The following TP63 variants were observed in gnomAD, a reference collection of about 807,000 sequenced individuals.
The protein encoded by TP63 is tumor protein 63.
TP63 carries 17 observed loss-of-function variants against 82.8 expected under a neutral mutation model. The observed-to-expected ratio is 0.21, with a 90% CI of 0.14 to 0.31. The LOEUF (loss-of-function observed/expected upper bound fraction) is 0.31, where lower values mean the gene tolerates loss of function less well. Among genes scored for constraint, TP63 ranks in the 10% least tolerant of loss-of-function variants. The pLI, the probability that TP63 is intolerant of heterozygous loss-of-function variation, is 1.00. For synonymous variants in TP63, 330 were observed against 321.7 expected (o/e 1.03, Z -0.28); for missense variants, 648 against 895.3 (o/e 0.72, Z 3.52).
Position 189,831,636 on chromosome 3 carries a change from GA to G in TP63, c.579+23112del, listed in dbSNP as rs376818700. Among the ~76,000 whole-genome samples, 71 of 150,924 alleles carry G rather than the reference GA, an allele frequency of 4.7e-4. No homozygotes were observed. In the East Asian group the frequency reaches 0.012, roughly 25 times the overall value. On this transcript the variant is annotated intron_variant, in intron 4 of 13. Transcript: ENST00000264731. ...GGTGCTCATTTGATGATAGCAGCATGAAGCTCTTCCCATTCTGCACCGTTTG... is the reference window on the plus strand; with the variant it reads ...GGTGCTCATTTGATGATAGCAGCATGAGCTCTTCCCATTCTGCACCGTTTG...
intron 1 of TP63, among the ~76,000 whole-genome samples, chr3:189,638,750 T>A (rs1319782480): frequency 6.6e-6 from 1 of 152,138 alleles, no homozygotes; most frequent in Non-Finnish European, 1.5e-5. Flanking sequence ...TGTTGGAAGG[T>A]TCTCAGTTAA....
intron 4 of TP63, among the ~76,000 whole-genome samples, chr3:189,847,050 C>A (rs1714977650): frequency 6.6e-6 from 1 of 152,056 alleles, no homozygotes; most frequent in South Asian, 2.1e-4. Flanking sequence ...AAGAGATTTG[C>A]ACCAAATTAT....
At chr3:189,612,730 A>G in the TP63 span, among the ~76,000 whole-genome samples, 2 of 152,196 alleles carry the variant, frequency 1.3e-5, no homozygotes, top group African/African-American at 4.8e-5. Flanking sequence ...TTTGCCCAAA[A>G]TCCTGATAGC....
intron 3 of TP63, among the ~76,000 whole-genome samples, chr3:189,743,013 A>AT (rs1721111378): frequency 6.6e-6 from 1 of 152,304 alleles, no homozygotes; most frequent in African/African-American, 2.4e-5. Flanking sequence ...TGTGATGCTC[A>AT]TAAGTATTAA....
intron 9 of TP63, among the ~76,000 whole-genome samples, chr3:189,871,345 C>T (rs1205145346): frequency 6.6e-6 from 1 of 152,046 alleles, no homozygotes; most frequent in East Asian, 1.9e-4. Context: ...CTATTGAGGA[C>T]ACAAACAGTT....
the TP63 span, among the ~76,000 whole-genome samples, chr3:189,615,071 A>T: frequency 6.6e-6 from 1 of 152,256 alleles, no homozygotes; most frequent in South Asian, 2.1e-4. Context: ...TAATATTTTT[A>T]AAACATGAAT....
At chr3:189,872,715 G>T in intron 9 of TP63, 144 bp from the exon 10 acceptor site, 1 of 1,280,216 alleles carries the variant, frequency 7.8e-7, no homozygotes, top group Non-Finnish European at 1.1e-6. Context: ...AAAGGGCCAA[G>T]AGTGTTGATT....
At chr3:189,793,358 A>C (rs1725356877) in intron 3 of TP63, among the ~76,000 whole-genome samples, 1 of 152,214 alleles carries the variant, frequency 6.6e-6, no homozygotes, top group South Asian at 2.1e-4. Flanking sequence ...GCATCAATGG[A>C]TGTCTACATT....
rs1721480091 is a variant in TP63, at chr3:189,896,442, T to G, written c.*1940T>G. The G allele has an allele frequency of 5.0e-6, 1 of 199,184 alleles. No homozygotes were observed. Among genetic ancestry groups the G allele is most frequent in the Non-Finnish European group, 1.0e-5 (1 of 96,472 alleles). The allele number at this position is 199,184 out of a possible 1,614,324, so 12.3% of individuals were successfully genotyped here. A position where few individuals can be genotyped will look rare whatever the true frequency, so the allele number is the denominator to read the frequency against. Reference sequence around the variant, plus strand: ...TTTAAGAGGGGAGGGAAGGGAAAGTTTTTTTTTATTATTTTTTTAAAATTT... The same window carrying G: ...TTTAAGAGGGGAGGGAAGGGAAAGTGTTTTTTTATTATTTTTTTAAAATTT... On this transcript the variant is annotated 3_prime_UTR_variant, in exon 14 of 14. Transcript: ENST00000264731.
At chr3:189,808,023 TG>T (rs1727102740) in intron 3 of TP63, among the ~76,000 whole-genome samples, 1 of 152,204 alleles carries the variant, frequency 6.6e-6, no homozygotes, top group African/African-American at 2.4e-5. Flanking sequence ...TCAAATGCTC[TG>T]TAGGAAGTCA....
At chr3:189,771,075 C>T (rs562941752) in intron 3 of TP63, among the ~76,000 whole-genome samples, 6 of 151,658 alleles carry the variant, frequency 4.0e-5, no homozygotes, top group African/African-American at 1.5e-4. Context: ...TGAAAAGCCA[C>T]TTAACTTCAT....
intron 3 of TP63, among the ~76,000 whole-genome samples, chr3:189,807,833 C>G (rs1219407710): frequency 6.6e-6 from 1 of 152,178 alleles, no homozygotes; most frequent in Non-Finnish European, 1.5e-5. Flanking sequence ...CAATTTAACA[C>G]TTAAATCCCC....
rs553110262 is a variant in TP63 at position 189,721,081 on chromosome 3, A to G, written c.63-16659A>G. Among the ~76,000 whole-genome samples, 6 of 152,310 alleles carry G rather than the reference A, an allele frequency of 3.9e-5. No homozygotes were observed. In the South Asian group the frequency reaches 6.2e-4, roughly 16 times the overall value. ...ACTGACAGGGAAGATCTTTGCAGAGATTTAGAGGCCTGATCTGCAATTTAG... is the reference window on the plus strand; with the variant it reads ...ACTGACAGGGAAGATCTTTGCAGAGGTTTAGAGGCCTGATCTGCAATTTAG... On this transcript the variant is annotated intron_variant, in intron 1 of 13. Coordinates refer to ENST00000264731, the MANE Select transcript of TP63 (RefSeq NM_003722.5).
rs1381762895 is a variant in TP63 at position 189,894,093 on chromosome 3, A to T, written c.1747-113A>T. The T allele has an allele frequency of 9.0e-6, 12 of 1,339,068 alleles. No individual in the cohort carries two copies. The African/African-American group carries it at 1.0e-4, about 11-fold the overall frequency. 82.9% of individuals were successfully genotyped at this position (1,339,068 alleles called of 1,614,324 possible). A position where few individuals can be genotyped will look rare whatever the true frequency, so the allele number is the denominator to read the frequency against. ...AATTTTATTTTCTAATTTGTGGATC[A>T]ATAGATTCAGATCAATTAAACCAGA... On this transcript the variant is annotated intron_variant, in intron 13 of 13. Coordinates refer to ENST00000264731, the MANE Select transcript of TP63 (RefSeq NM_003722.5).
At chr3:189,615,079 A>T in the TP63 span, among the ~76,000 whole-genome samples, 1 of 152,220 alleles carries the variant, frequency 6.6e-6, no homozygotes, top group African/African-American at 2.4e-5. Context: ...TTAAAACATG[A>T]ATTTGGGTTA....
chr3:189,864,065 A>G (rs1717383792), intron 4 of TP63, among the ~76,000 whole-genome samples, 167 bp from the exon 5 acceptor site: 1 of 152,246 alleles, frequency 6.6e-6, no homozygotes, highest in African/African-American at 2.4e-5. Context: ...TATTAATATA[A>G]CTTCCTCTAA....
chr3:189,745,164 T>C (rs1721272049), intron 3 of TP63, among the ~76,000 whole-genome samples: 1 of 152,192 alleles, frequency 6.6e-6, no homozygotes. Flanking sequence ...AAGAAATGAC[T>C]ATTCTACCAG....
intron 1 of TP63, among the ~76,000 whole-genome samples, chr3:189,636,160 T>C (rs1332474888): frequency 6.6e-6 from 1 of 152,176 alleles, no homozygotes. Context: ...CTTCAAAATA[T>C]ATTTATGACC....
chr3:189,716,445 G>A (rs1006498309), intron 1 of TP63, among the ~76,000 whole-genome samples: 6 of 152,022 alleles, frequency 3.9e-5, no homozygotes, highest in African/African-American at 1.4e-4. Context: ...CCCTGGAAAT[G>A]CTACTTCCAT....
Sources: gnomAD v4.1 joint callset for allele counts (sites outside exome capture counted in the v4.1 genomes callset) on GRCh38, gnomAD v4.1.1 for gene constraint, MANE v1.5 for transcripts, NCBI Gene and HGNC (gene_info 2026-07-23, HGNC 2026-07-21) for gene names.